The following ROBO1 variants were observed in gnomAD, a reference collection of about 807,000 sequenced individuals.
ROBO1 encodes the protein roundabout homolog 1.
Under a neutral mutation model 195.9 loss-of-function variants are expected in ROBO1, and 149 were observed. The ratio of observed to expected loss-of-function variants is 0.76; its 90% confidence interval spans 0.67 to 0.87. ROBO1 has a LOEUF of 0.87. Among genes scored for constraint, ROBO1 ranks in the 40% least tolerant of loss-of-function variants. The pLI, the probability that ROBO1 is intolerant of heterozygous loss-of-function variation, is 0.00. For missense variants in ROBO1, 1,933 were observed against 2,068.3 expected, an observed-to-expected ratio of 0.93 and a Z score of 1.27; for synonymous variants, 816 against 733.2, an observed-to-expected ratio of 1.11 and a Z score of -1.82.
chr3:79,387,071 T>TAGATGACAAA, intron 2 of ROBO1, among the ~76,000 whole-genome samples: 1 of 152,130 alleles, frequency 6.6e-6, no homozygotes, highest in Non-Finnish European at 1.5e-5. Flanking sequence ...GGCTTCTCCT[T>TAGATGACAAA]CATCTATTTG....
chr3:78,938,096 A>G (rs1013011270), intron 4 of ROBO1: 2 of 156,666 alleles, frequency 1.3e-5, no homozygotes, highest in Admixed American at 1.2e-4. Flanking sequence ...GATCTGCTCC[A>G]TTTCTGACCT....
chr3:79,735,852 C>G (rs1703354551), intron 1 of ROBO1, among the ~76,000 whole-genome samples: 1 of 132,064 alleles, frequency 7.6e-6, no homozygotes, highest in Non-Finnish European at 1.5e-5. Flanking sequence ...GCCTGGGCGA[C>G]AGAGAGAGAC....
chr3:79,610,536 C>T (rs764405060), intron 1 of ROBO1, among the ~76,000 whole-genome samples: 2 of 151,830 alleles, frequency 1.3e-5, no homozygotes, highest in African/African-American at 4.8e-5. Context: ...TGTTGAATTA[C>T]CTGGAAAACA....
intron 29 of ROBO1, among the ~76,000 whole-genome samples, chr3:78,604,865 A>G (rs1015285790): frequency 1.3e-5 from 2 of 152,202 alleles, no homozygotes; most frequent in Non-Finnish European, 2.9e-5. Flanking sequence ...TGATTCCTCA[A>G]CTAATAATCT....
At chr3:79,223,734 T>A (rs1315691930) in intron 2 of ROBO1, among the ~76,000 whole-genome samples, 1 of 152,162 alleles carries the variant, frequency 6.6e-6, no homozygotes, top group African/African-American at 2.4e-5. Context: ...ATGAATCTAC[T>A]TGCAGGTCTG....
intron 2 of ROBO1, among the ~76,000 whole-genome samples, chr3:79,137,036 T>A (rs1392705052): frequency 6.6e-6 from 1 of 152,116 alleles, no homozygotes; most frequent in Non-Finnish European, 1.5e-5. Flanking sequence ...GAAAACAATG[T>A]GTTACAATCA....
chr3:79,381,394 A>C (rs1302537412), intron 2 of ROBO1, among the ~76,000 whole-genome samples: 1 of 129,674 alleles, frequency 7.7e-6, no homozygotes, highest in East Asian at 2.2e-4. Context: ...AAAAGAAAAG[A>C]AAAGAAAAGA....
chr3:79,751,053 T>G (rs1321696608), intron 1 of ROBO1, among the ~76,000 whole-genome samples: 1 of 152,242 alleles, frequency 6.6e-6, no homozygotes, highest in Non-Finnish European at 1.5e-5. Flanking sequence ...GCACAGTAGC[T>G]TGAAGAAATA....
At chr3:78,715,700 C>A (rs2081886050) in intron 7 of ROBO1, among the ~76,000 whole-genome samples, 1 of 152,122 alleles carries the variant, frequency 6.6e-6, no homozygotes, top group Non-Finnish European at 1.5e-5. Flanking sequence ...CCATGCCCGG[C>A]TAATTTTTGT....
At chr3:79,173,680 C>A (rs1467890817) in intron 2 of ROBO1, among the ~76,000 whole-genome samples, 1 of 152,136 alleles carries the variant, frequency 6.6e-6, no homozygotes, top group Non-Finnish European at 1.5e-5. Context: ...CCCAGTCCCA[C>A]CGACCACCCA....
At chr3:79,395,184 G>A (rs1210393068) in intron 2 of ROBO1, among the ~76,000 whole-genome samples, 6 of 151,664 alleles carry the variant, frequency 4.0e-5, no homozygotes, top group Admixed American at 3.9e-4. Context: ...TTCTCCGGGC[G>A]TGGTGGCGGC....
At chr3:79,123,413 A>G (rs1159805555) in intron 3 of ROBO1, among the ~76,000 whole-genome samples, 1 of 152,006 alleles carries the variant, frequency 6.6e-6, no homozygotes, top group Non-Finnish European at 1.5e-5. Flanking sequence ...TCAACTATAT[A>G]GCCAATTGGT....
At chr3:79,363,031 T>C (rs2035830611) in intron 2 of ROBO1, among the ~76,000 whole-genome samples, 1 of 152,192 alleles carries the variant, frequency 6.6e-6, no homozygotes, top group Non-Finnish European at 1.5e-5. Context: ...TTAAGTGATG[T>C]AATTTTCTCA....
intron 1 of ROBO1, among the ~76,000 whole-genome samples, chr3:79,703,152 A>T (rs1947667292): frequency 6.6e-6 from 1 of 151,974 alleles, no homozygotes; most frequent in Non-Finnish European, 1.5e-5. Context: ...TTAGCATATG[A>T]AAATGTCTCA....
At chr3:78,959,184 C>T (rs2041211719) in intron 3 of ROBO1, among the ~76,000 whole-genome samples, 1 of 151,834 alleles carries the variant, frequency 6.6e-6, no homozygotes, top group South Asian at 2.1e-4. Context: ...GTAACTAGTA[C>T]CAAAAAGCAT....
chr3:79,617,258 A>C (rs1219167757), intron 1 of ROBO1, among the ~76,000 whole-genome samples: 2 of 152,090 alleles, frequency 1.3e-5, no homozygotes, highest in African/African-American at 4.8e-5. Context: ...TCTTAGTTGT[A>C]ATTGCCATCT....
At chr3:79,107,319 C>A (rs538844065) in intron 3 of ROBO1, among the ~76,000 whole-genome samples, 3 of 151,592 alleles carry the variant, frequency 2.0e-5, no homozygotes, top group Non-Finnish European at 4.4e-5. Context: ...TGAAGTGATG[C>A]GTTTCATATC....
At chr3:79,514,916 C>A (rs72900092) in intron 2 of ROBO1, among the ~76,000 whole-genome samples, 1 of 152,104 alleles carries the variant, frequency 6.6e-6, no homozygotes, top group South Asian at 2.1e-4. Flanking sequence ...ACATTTAGAA[C>A]ATTTTACAAA....
At chr3:79,594,999 T>G (rs1212987123) in intron 1 of ROBO1, among the ~76,000 whole-genome samples, 3 of 151,924 alleles carry the variant, frequency 2.0e-5, no homozygotes, top group Non-Finnish European at 4.4e-5. Context: ...GTAGTTCAAT[T>G]TTGACAAATG....
Sources: allele counts gnomAD v4.1 joint callset (sites outside exome capture counted in the v4.1 genomes callset), GRCh38; gene constraint gnomAD v4.1.1; transcripts MANE v1.5; gene names NCBI Gene and HGNC (gene_info 2026-07-23, HGNC 2026-07-21).